IL33: variants seen among roughly 807,000 people sequenced by gnomAD.
The protein encoded by IL33 is interleukin 33.
A neutral mutation model predicts 27.3 loss-of-function variants in IL33; 37 were observed. The observed-to-expected ratio is 1.36, with a 90% confidence interval of 1.04 to 1.78. IL33 has a LOEUF of 1.78. IL33 is among the 40% of genes most tolerant of loss of function. IL33 has a pLI of 0.00. For synonymous variants in IL33, 132 were observed against 102.9 expected, an observed-to-expected ratio of 1.28 and a Z score of -1.71; for missense variants, 406 against 311.4, an observed-to-expected ratio of 1.30 and a Z score of -2.29.
At chr9:6,236,165 T>C (rs927371839) in intron 1 of IL33, among the ~76,000 whole-genome samples, 12 of 152,164 alleles carry the variant, frequency 7.9e-5, no homozygotes, top group African/African-American at 2.9e-4. Flanking sequence ...ATTTCTATGA[T>C]TGAATGCTAT....
intron 2 of IL33, among the ~76,000 whole-genome samples, chr9:6,245,051 A>G (rs561627636): frequency 6.6e-6 from 1 of 152,006 alleles, no homozygotes; most frequent in Non-Finnish European, 1.5e-5. Context: ...CTACTTCCCT[A>G]CTTCCCAGGG....
intron 1 of IL33, among the ~76,000 whole-genome samples, chr9:6,223,630 T>C (rs1564049033): frequency 6.6e-6 from 1 of 152,160 alleles, no homozygotes; most frequent in Non-Finnish European, 1.5e-5. Context: ...TAAGGCAATG[T>C]CCAGAATACA....
upstream of IL33, among the ~76,000 whole-genome samples, chr9:6,215,366 A>C (rs1818093294): frequency 6.6e-6 from 1 of 152,222 alleles, no homozygotes; most frequent in African/African-American, 2.4e-5. Context: ...CAGAGCTTTT[A>C]TTTGCAGACG....
At chr9:6,254,429 T>C (rs1243941734) in intron 6 of IL33, 33 bp from the exon 7 acceptor site, 4 of 1,400,692 alleles carry the variant, frequency 2.9e-6, no homozygotes, top group South Asian at 1.4e-5. Flanking sequence ...TTACAGTTCT[T>C]AACTTTATCA....
intron 1 of IL33, among the ~76,000 whole-genome samples, chr9:6,221,375 C>T (rs189743708): frequency 2.6e-4 from 40 of 152,244 alleles, no homozygotes; most frequent in Admixed American, 5.9e-4. Context: ...TTGGAGGATA[C>T]CGTGCCTAGG....
At chr9:6,216,021 T>C (rs766323968) in intron 1 of IL33, among the ~76,000 whole-genome samples, 169 bp downstream of exon 1, 5 of 152,362 alleles carry the variant, frequency 3.3e-5, no homozygotes, top group Non-Finnish European at 7.3e-5. Flanking sequence ...TACTAACTTA[T>C]AATTCCATTT....
At chr9:6,217,526 A>G (rs1478411177) in intron 1 of IL33, among the ~76,000 whole-genome samples, 4 of 152,164 alleles carry the variant, frequency 2.6e-5, no homozygotes, top group African/African-American at 4.8e-5. Context: ...CTTCACTGTC[A>G]TAATTTTCTC....
Position 6,251,187 on chromosome 9 carries a change from T to C in IL33, c.265T>C (p.Ser89Pro), listed in dbSNP as rs1564071989. 6.2e-7 allele frequency: 1 copy of C among 1,614,028 alleles called. No homozygotes were observed. The highest frequency in any genetic ancestry group is 1.1e-5 in the South Asian group (1 of 91,070). The change falls in exon 4 of 8, where the codon TCT (serine) becomes CCT (proline). Residue 89 changes from serine to proline, a missense_variant. Physicochemically the swap from Ser to Pro is moderately conservative, Grantham distance 74. Coordinates refer to ENST00000682010, the MANE Select transcript of IL33 (RefSeq NM_033439.4). ...HLVLAACQQQ[S>P]TVECFAFGIS... ...GGTACTCGCTGCCTGTCAACAGCAG[T>C]CTACTGTGGAGTGCTTTGCCTTTGG...
intron 2 of IL33, among the ~76,000 whole-genome samples, chr9:6,246,911 G>C (rs905516454): frequency 6.6e-6 from 1 of 152,302 alleles, no homozygotes; most frequent in African/African-American, 2.4e-5. Flanking sequence ...GCAGAAAAGA[G>C]ACTAAGACCA....
intron 2 of IL33, among the ~76,000 whole-genome samples, chr9:6,249,696 G>A (rs1198310527): frequency 6.6e-6 from 1 of 152,126 alleles, no homozygotes; most frequent in Admixed American, 6.5e-5. Context: ...TTGATTTTAG[G>A]CACACTTCAG....
chr9:6,218,967 T>C (rs1818300541), intron 1 of IL33, among the ~76,000 whole-genome samples: 1 of 137,196 alleles, frequency 7.3e-6, no homozygotes, highest in African/African-American at 2.7e-5. Flanking sequence ...AATTTATATG[T>C]CAGTAAATCT....
chr9:6,241,895 CA>C, intron 2 of IL33, 110 bp downstream of exon 2: 1 of 753,928 alleles, frequency 1.3e-6, no homozygotes, highest in Non-Finnish European at 2.1e-6. Context: ...ACTAAGAATA[CA>C]AGAACTAAAA....
chr9:6,247,759 TCA>T (rs886465019), intron 2 of IL33, among the ~76,000 whole-genome samples: 34 of 152,146 alleles, frequency 2.2e-4, no homozygotes, highest in African/African-American at 8.0e-4. Context: ...AACACAACCC[TCA>T]CACTTTCAGC....
chr9:6,244,169 C>T (rs1287245403), intron 2 of IL33, among the ~76,000 whole-genome samples: 1 of 152,108 alleles, frequency 6.6e-6, no homozygotes, highest in Non-Finnish European at 1.5e-5. Context: ...TAAAATGTAA[C>T]CCCTCCTTTA....
At chr9:6,242,966 G>T (rs1411081041) in intron 2 of IL33, among the ~76,000 whole-genome samples, 2 of 152,184 alleles carry the variant, frequency 1.3e-5, no homozygotes, top group African/African-American at 4.8e-5. Context: ...GAGAACAGAA[G>T]CAGGAGAAAG....
At chr9:6,251,675 T>C (rs964045404) in intron 4 of IL33, among the ~76,000 whole-genome samples, 1 of 152,026 alleles carries the variant, frequency 6.6e-6, no homozygotes, top group African/African-American at 2.4e-5. Context: ...AAGATGGTTT[T>C]AAATTTTATC....
At chr9:6,255,864 C>G in intron 7 of IL33, 104 bp from the exon 8 acceptor site, 2 of 880,040 alleles carry the variant, frequency 2.3e-6, no homozygotes, top group Non-Finnish European at 3.7e-6. Context: ...CTAGAAATAT[C>G]AAGTCATAAA....
intron 1 of IL33, among the ~76,000 whole-genome samples, chr9:6,227,677 T>C (rs1232589666): frequency 6.6e-6 from 1 of 152,198 alleles, no homozygotes; most frequent in African/African-American, 2.4e-5. Flanking sequence ...CTCCTTATAA[T>C]GCTACTAAAT....
intron 1 of IL33, among the ~76,000 whole-genome samples, chr9:6,227,887 G>A (rs1818717300): frequency 6.6e-6 from 1 of 152,140 alleles, no homozygotes; most frequent in Non-Finnish European, 1.5e-5. Flanking sequence ...AGGGGCTAGG[G>A]AGGAAGATCT....
Sources: gnomAD v4.1 joint callset for allele counts (sites outside exome capture counted in the v4.1 genomes callset) on GRCh38, gnomAD v4.1.1 for gene constraint, MANE v1.5 for transcripts, NCBI Gene and HGNC (gene_info 2026-07-23, HGNC 2026-07-21) for gene names.